The following GALNT13 variants were observed in gnomAD, a reference collection of about 807,000 sequenced individuals.
GALNT13 encodes UDP-GalNAc:polypeptide N-acetylgalactosaminyltransferase 13.
In GALNT13, 28 loss-of-function variants were observed where a neutral mutation model predicts 64.2. The ratio of observed to expected loss-of-function variants is 0.44; its 90% CI spans 0.32 to 0.60. The LOEUF is 0.60. GALNT13 is among the 20% of genes least tolerant of loss of function. The probability of loss-of-function intolerance (pLI) is 0.05; values close to 1 mark genes in which losing one functional copy is unlikely to be tolerated. For synonymous variants in GALNT13, 214 were observed against 224.6 expected (o/e 0.95, Z 0.42); for missense variants, 577 against 669.8 (o/e 0.86, Z 1.53).
At chr2:153,522,352 G>A in the GALNT13 span, among the ~76,000 whole-genome samples, 1 of 151,776 alleles carries the variant, frequency 6.6e-6, no homozygotes, top group Non-Finnish European at 1.5e-5. Context: ...AAAATAAAGA[G>A]AGAGAGAGAG....
the GALNT13 span, among the ~76,000 whole-genome samples, chr2:153,507,669 C>T: frequency 3.9e-5 from 6 of 152,232 alleles, no homozygotes; most frequent in South Asian, 1.2e-3. Flanking sequence ...CTTTTTCTGG[C>T]AATTCAGAGA....
intron 3 of GALNT13, among the ~76,000 whole-genome samples, chr2:153,966,388 T>TG (rs1693347115): frequency 1.3e-5 from 2 of 150,700 alleles, no homozygotes; most frequent in Admixed American, 1.3e-4. Flanking sequence ...TTTTTTGAGA[T>TG]GGAGTCTTGC....
the GALNT13 span, among the ~76,000 whole-genome samples, chr2:153,091,018 G>A: frequency 6.6e-6 from 1 of 152,092 alleles, no homozygotes; most frequent in Non-Finnish European, 1.5e-5. Context: ...GAAAAAGCAA[G>A]CATGGCTTTC....
the GALNT13 span, among the ~76,000 whole-genome samples, chr2:153,469,071 G>C: frequency 2.0e-5 from 3 of 152,082 alleles, no homozygotes; most frequent in Non-Finnish European, 4.4e-5. Context: ...TTTTCGTAAA[G>C]TTATTCCTGA....
Position 154,390,138 on chromosome 2 carries a change from C to T in GALNT13, c.1157-5853C>T, listed in dbSNP as rs145111033. On this transcript the variant is annotated intron_variant, in intron 9 of 12. Transcript: ENST00000392825. ...GTTGAGCCAGTGTCATTATGATCTT[C>T]CATCTAATATCTATTTAAAATTTAA... is the stretch of plus-strand genomic sequence containing the variant. Among the ~76,000 whole-genome samples, 474 of 152,234 alleles carry T rather than the reference C, an allele frequency of 3.1e-3. 7 individuals are homozygous for T. Among genetic ancestry groups the T allele is most frequent in the African/African-American group, 0.011 (446 of 41,538 alleles).
At chr2:153,750,969 G>T in the GALNT13 span, among the ~76,000 whole-genome samples, 339 of 151,746 alleles carry the variant, frequency 2.2e-3, 1 homozygote, top group African/African-American at 6.8e-3. Context: ...CCTCTGAGTA[G>T]TGCTTTTGCT....
the GALNT13 span, among the ~76,000 whole-genome samples, chr2:153,402,966 G>A: frequency 6.6e-6 from 1 of 152,108 alleles, no homozygotes; most frequent in South Asian, 2.1e-4. Flanking sequence ...TTCCGTTGCT[G>A]GTGAGGAACT....
the GALNT13 span, among the ~76,000 whole-genome samples, chr2:153,517,104 A>G: frequency 6.6e-6 from 1 of 152,136 alleles, no homozygotes; most frequent in African/African-American, 2.4e-5. Flanking sequence ...GGGGTTTGCT[A>G]TTGCAAGGGA....
intron 2 of GALNT13, among the ~76,000 whole-genome samples, chr2:153,940,382 T>C (rs1448393108): frequency 1.3e-5 from 2 of 151,640 alleles, no homozygotes; most frequent in South Asian, 2.1e-4. Flanking sequence ...CTCTGCCTCC[T>C]GAGTAGTTGG....
At chr2:153,608,904 A>AT in the GALNT13 span, among the ~76,000 whole-genome samples, 6 of 145,040 alleles carry the variant, frequency 4.1e-5, no homozygotes, top group African/African-American at 1.3e-4. Context: ...CTAGAGTACA[A>AT]TTTTTTTTAC....
chr2:154,054,023 T>C (rs536360346), intron 3 of GALNT13, among the ~76,000 whole-genome samples: 421 of 152,264 alleles, frequency 2.8e-3, no homozygotes, highest in South Asian at 5.6e-3. Flanking sequence ...ATCTAATTTA[T>C]TCATTTTGCC....
intron 3 of GALNT13, among the ~76,000 whole-genome samples, chr2:153,962,057 A>G (rs545418535): frequency 2.0e-4 from 30 of 152,332 alleles, no homozygotes; most frequent in African/African-American, 6.7e-4. Flanking sequence ...CTTCATTATC[A>G]TGGCCCAAAT....
chr2:153,638,511 C>T, the GALNT13 span, among the ~76,000 whole-genome samples: 2 of 27,476 alleles, frequency 7.3e-5, 1 homozygote, highest in Non-Finnish European at 1.8e-4. Context: ...TGATAAAAAA[C>T]GGATGAAGTA....
At chr2:154,346,370 T>G (rs1234062500) in intron 9 of GALNT13, among the ~76,000 whole-genome samples, 1 of 152,058 alleles carries the variant, frequency 6.6e-6, no homozygotes, top group Non-Finnish European at 1.5e-5. Context: ...TAAAGTTATA[T>G]CCTGATACAG....
the GALNT13 span, among the ~76,000 whole-genome samples, chr2:153,229,589 T>G: frequency 2.0e-5 from 3 of 152,168 alleles, no homozygotes; most frequent in Non-Finnish European, 4.4e-5. Context: ...TAATCGCCTA[T>G]TTTTGGTTGT....
At chr2:153,372,032 G>A in the GALNT13 span, among the ~76,000 whole-genome samples, 1 of 152,102 alleles carries the variant, frequency 6.6e-6, no homozygotes, top group African/African-American at 2.4e-5. Flanking sequence ...TGAGGGACCA[G>A]TATGTTTCTG....
At chr2:153,477,008 C>A in the GALNT13 span, among the ~76,000 whole-genome samples, 1 of 152,182 alleles carries the variant, frequency 6.6e-6, no homozygotes, top group African/African-American at 2.4e-5. Context: ...GTGTTCCCGC[C>A]GGAGCCTGGC....
At position 154,344,821 on chromosome 2, in the gene GALNT13, G is replaced by A. The variant is rs77172613; in HGVS notation, c.1156+43232G>A. On this transcript the variant is annotated intron_variant, in intron 9 of 12. Coordinates refer to ENST00000392825, the MANE Select transcript of GALNT13 (RefSeq NM_052917.4). ...ATAGAATTTGAGAAAGGTATATTTT[G>A]AATTCTAGATGGAGGGAGAGAGAAG... 5.2e-3 allele frequency among the ~76,000 whole-genome samples: 786 copies of A among 152,078 alleles called. 7 individuals carry two copies. The highest frequency in any genetic ancestry group is 0.01 in the Middle Eastern group (3 of 294).
chr2:153,394,788 C>T, the GALNT13 span, among the ~76,000 whole-genome samples: 2 of 152,172 alleles, frequency 1.3e-5, no homozygotes, highest in African/African-American at 2.4e-5. Flanking sequence ...TAAATACTAC[C>T]ATACATTTGG....
Sources: gnomAD v4.1 joint callset for allele counts (sites outside exome capture counted in the v4.1 genomes callset) on GRCh38, gnomAD v4.1.1 for gene constraint, MANE v1.5 for transcripts, NCBI Gene and HGNC (gene_info 2026-07-23, HGNC 2026-07-21) for gene names.